NECTIN3: variants seen among roughly 807,000 people sequenced by gnomAD.
The protein encoded by NECTIN3 is nectin cell adhesion molecule 3.
NECTIN3 carries 8 observed loss-of-function variants against 49.4 expected under a neutral mutation model. The ratio of observed to expected loss-of-function variants is 0.16; its 90% CI spans 0.10 to 0.29. NECTIN3 has a LOEUF of 0.29. NECTIN3 is among the 10% of genes least tolerant of loss of function. The pLI is 1.00. For missense variants in NECTIN3, 581 were observed against 654.6 expected (o/e 0.89, Z 1.23); for synonymous variants, 277 against 241.1 (o/e 1.15, Z -1.38).
intron 1 of NECTIN3, among the ~76,000 whole-genome samples, chr3:111,087,838 C>G (rs1238499390): frequency 2.0e-5 from 3 of 151,932 alleles, no homozygotes; most frequent in Non-Finnish European, 4.4e-5. Context: ...GCTGGGATTA[C>G]AGGCGCCCGC....
At chr3:111,166,357 A>T (rs756851213) in intron 7 of NECTIN3, among the ~76,000 whole-genome samples, 5 of 146,350 alleles carry the variant, frequency 3.4e-5, no homozygotes, top group Non-Finnish European at 7.4e-5. Flanking sequence ...TGTTATGTCC[A>T]CCATGCTCCT....
At chr3:111,128,077 C>T (rs1395381683) in intron 5 of NECTIN3, among the ~76,000 whole-genome samples, 21 of 152,106 alleles carry the variant, frequency 1.4e-4, no homozygotes, top group Non-Finnish European at 8.8e-5. Context: ...GTGGCTCACA[C>T]CTGTAATCCC....
intron 6 of NECTIN3, chr3:111,145,156 C>G: frequency 2.6e-6 from 3 of 1,159,070 alleles, no homozygotes; most frequent in Non-Finnish European, 3.6e-6. Context: ...AATGTTAGGC[C>G]TTTGTTAGAT....
At chr3:111,072,828 A>G (rs2030884933) in intron 1 of NECTIN3, 3 of 402,482 alleles carry the variant, frequency 7.5e-6, no homozygotes, top group Admixed American at 8.5e-5. Context: ...ACCAAACCGC[A>G]GGAACAAGAT....
chr3:111,123,466 G>A (rs1170247747), intron 4 of NECTIN3, among the ~76,000 whole-genome samples: 2 of 152,130 alleles, frequency 1.3e-5, no homozygotes, highest in Non-Finnish European at 2.9e-5. Flanking sequence ...ATTCCACTTA[G>A]AGTAATCAGG....
chr3:111,074,894 T>C (rs944837832), intron 1 of NECTIN3: 2 of 151,834 alleles, frequency 1.3e-5, no homozygotes, highest in Non-Finnish European at 2.9e-5. Context: ...TCAGGGGACA[T>C]AGAGAATATT....
chr3:111,081,211 G>A (rs112233883), intron 1 of NECTIN3, among the ~76,000 whole-genome samples: 6 of 152,348 alleles, frequency 3.9e-5, no homozygotes, highest in African/African-American at 1.4e-4. Context: ...AGCCCGGAAG[G>A]CTGAGGCTGT....
intron 1 of NECTIN3, among the ~76,000 whole-genome samples, chr3:111,081,328 C>T (rs982300861): frequency 1.4e-4 from 21 of 152,136 alleles, no homozygotes; most frequent in African/African-American, 5.1e-4. Context: ...AACCACAACC[C>T]TACAAAGCAT....
intron 1 of NECTIN3, among the ~76,000 whole-genome samples, chr3:111,108,561 A>G (rs1333780602): frequency 6.6e-6 from 1 of 152,120 alleles, no homozygotes; most frequent in Non-Finnish European, 1.5e-5. Context: ...TTGTGTTGCT[A>G]TAAAGGAATA....
intron 7 of NECTIN3, among the ~76,000 whole-genome samples, chr3:111,152,693 G>A (rs1375408855): frequency 1.3e-5 from 2 of 151,872 alleles, no homozygotes; most frequent in African/African-American, 4.8e-5. Context: ...GATGAATCAT[G>A]TATCTCCACT....
rs752890288 is a variant in NECTIN3, at chr3:111,118,753, C to T, written c.600C>T (p.Pro200=). Residue 200 remains proline, a synonymous_variant, in exon 3 of 6, where the codon CCC becomes CCT. Coordinates refer to ENST00000485303, the MANE Select transcript of NECTIN3 (RefSeq NM_015480.3). ...TTTGCATCGCAGCCACTGGAAAACC[C>T]GTTGCACATATTGACTGGGAAGGTG... The part of the protein sequence containing the change: ...AAICIAATGK[P]VAHIDWEGDL... The T allele has an allele frequency of 1.4e-5, 22 of 1,614,060 alleles. No individual in the cohort carries two copies. In the East Asian group the frequency reaches 2.7e-4, roughly 20 times the overall value.
chr3:111,147,061 T>G (rs918345114), intron 6 of NECTIN3, among the ~76,000 whole-genome samples: 5 of 152,294 alleles, frequency 3.3e-5, no homozygotes, highest in East Asian at 1.9e-4. Flanking sequence ...GGAAAGTGTA[T>G]TGAGACTCTA....
intron 1 of NECTIN3, among the ~76,000 whole-genome samples, chr3:111,110,169 T>G (rs1287038513): frequency 6.6e-6 from 1 of 152,002 alleles, no homozygotes; most frequent in African/African-American, 2.4e-5. Flanking sequence ...TTTTCCTTCC[T>G]AATATTTATC....
At chr3:111,175,680 T>C (rs2035514265) in intron 7 of NECTIN3, among the ~76,000 whole-genome samples, 1 of 152,124 alleles carries the variant, frequency 6.6e-6, no homozygotes, top group South Asian at 2.1e-4. Context: ...TCAAACTAGA[T>C]ATTGCAAACA....
intron 1 of NECTIN3, among the ~76,000 whole-genome samples, chr3:111,076,174 G>A (rs1282047333): frequency 2.0e-5 from 3 of 152,004 alleles, no homozygotes; most frequent in Non-Finnish European, 4.4e-5. Context: ...CAATTCTGAT[G>A]TATGTTTTAT....
chr3:111,130,938 C>T (rs1009499248), intron 5 of NECTIN3, among the ~76,000 whole-genome samples: 68 of 152,030 alleles, frequency 4.5e-4, no homozygotes, highest in African/African-American at 1.6e-3. Flanking sequence ...CAAATAAGTG[C>T]CCCTATGTCT....
At chr3:111,181,057 T>C (rs2035619311) in intron 7 of NECTIN3, among the ~76,000 whole-genome samples, 1 of 152,174 alleles carries the variant, frequency 6.6e-6, no homozygotes, top group Admixed American at 6.5e-5. Context: ...AAGCAAGAAC[T>C]TTTCCATCAC....
At chr3:111,175,272 G>A (rs1410617140) in intron 7 of NECTIN3, among the ~76,000 whole-genome samples, 1 of 151,642 alleles carries the variant, frequency 6.6e-6, no homozygotes, top group Non-Finnish European at 1.5e-5. Flanking sequence ...GGGCACGGTG[G>A]GCCAAAAGGC....
intron 3 of NECTIN3, among the ~76,000 whole-genome samples, chr3:111,120,615 A>G (rs1471267425): frequency 3.3e-5 from 5 of 151,946 alleles, no homozygotes; most frequent in African/African-American, 1.2e-4. Flanking sequence ...TTTTACCACT[A>G]TTTTGTAAAT....
Sources: gnomAD v4.1 joint callset for allele counts (sites outside exome capture counted in the v4.1 genomes callset) on GRCh38, gnomAD v4.1.1 for gene constraint, MANE v1.5 for transcripts, NCBI Gene and HGNC (gene_info 2026-07-23, HGNC 2026-07-21) for gene names.